Variants in KCNH8 observed in about 807,000 individuals in gnomAD.
KCNH8 encodes the protein potassium voltage-gated channel subfamily H member 8, also known as voltage-gated delayed rectifier potassium channel KCNH8.
A neutral mutation model predicts 103.6 loss-of-function variants in KCNH8; 70 were observed. The ratio of observed to expected loss-of-function variants is 0.68; its 90% CI spans 0.56 to 0.82. The LOEUF (loss-of-function observed/expected upper bound fraction) is 0.82. KCNH8 is among the 40% of genes least tolerant of loss of function. KCNH8 has a pLI of 0.00. For synonymous variants in KCNH8, 498 were observed against 489.4 expected (o/e 1.02, Z -0.23); for missense variants, 1,217 against 1,329.9 (o/e 0.92, Z 1.32).
At chr3:19,384,994 G>A (rs2066337302) in intron 5 of KCNH8, among the ~76,000 whole-genome samples, 1 of 152,084 alleles carries the variant, frequency 6.6e-6, no homozygotes, top group Admixed American at 6.5e-5. Context: ...CCAAACTAGA[G>A]AGTATCATCG....
intron 11 of KCNH8, among the ~76,000 whole-genome samples, chr3:19,473,319 C>A (rs62276980): frequency 6.6e-6 from 1 of 152,144 alleles, no homozygotes; most frequent in Non-Finnish European, 1.5e-5. Context: ...CCGACTGGAA[C>A]TAAACATTTT....
At chr3:19,511,217 C>A (rs949761043) in intron 12 of KCNH8, among the ~76,000 whole-genome samples, 1 of 148,482 alleles carries the variant, frequency 6.7e-6, no homozygotes, top group Non-Finnish European at 1.5e-5. Flanking sequence ...TTGTTCAACT[C>A]GCATGTATGA....
chr3:19,370,071 G>A (rs1262911051), intron 5 of KCNH8, among the ~76,000 whole-genome samples: 1 of 152,010 alleles, frequency 6.6e-6, no homozygotes, highest in Non-Finnish European at 1.5e-5. Flanking sequence ...CAGACTTGCT[G>A]CCTCCACCTT....
chr3:19,426,398 C>T (rs1209876599), intron 7 of KCNH8, among the ~76,000 whole-genome samples: 1 of 151,724 alleles, frequency 6.6e-6, no homozygotes, highest in African/African-American at 2.4e-5. Flanking sequence ...ATTAGTAGGT[C>T]AAGACTTAGG....
intron 7 of KCNH8, among the ~76,000 whole-genome samples, chr3:19,428,901 T>C (rs2125163790): frequency 6.6e-6 from 1 of 152,288 alleles, no homozygotes; most frequent in Middle Eastern, 3.4e-3. Context: ...TTTCGCTGTG[T>C]TTCTTGTTCT....
At chr3:19,476,332 T>A (rs964542585) in intron 11 of KCNH8, among the ~76,000 whole-genome samples, 2 of 152,208 alleles carry the variant, frequency 1.3e-5, no homozygotes, top group Admixed American at 1.3e-4. Flanking sequence ...GGCAGCAAAT[T>A]AGGCATTTCG....
In KCNH8 at chr3:19,293,435, G is replaced by A. The variant is rs80208448; in HGVS notation, c.442+12106G>A. Among the ~76,000 whole-genome samples the A allele has an allele frequency of 2.8e-3, 420 of 152,228 alleles. 3 individuals carry two copies. The highest frequency in any genetic ancestry group is 9.4e-3 in the African/African-American group (390 of 41,534). On this transcript the variant is annotated intron_variant, in intron 3 of 15. Transcript: ENST00000328405. ...TTAAAATCCTTACTATTCAAAGTGTGGTCTGAGGGACTGACACTTCAGCAT... is the reference window on the plus strand; with the variant it reads ...TTAAAATCCTTACTATTCAAAGTGTAGTCTGAGGGACTGACACTTCAGCAT...
At chr3:19,477,890 A>ACTC (rs2068009246) in intron 11 of KCNH8, among the ~76,000 whole-genome samples, 1 of 152,128 alleles carries the variant, frequency 6.6e-6, no homozygotes, top group South Asian at 2.1e-4. Context: ...TGAACATTGT[A>ACTC]CTCAATAAGT....
At chr3:19,451,616 C>T (rs1204626848) in intron 10 of KCNH8, among the ~76,000 whole-genome samples, 2 of 152,098 alleles carry the variant, frequency 1.3e-5, no homozygotes, top group Non-Finnish European at 2.9e-5. Flanking sequence ...TAAATATTAT[C>T]TCCATTTTAG....
At chr3:19,255,017 G>C (rs1041032924) in intron 2 of KCNH8, among the ~76,000 whole-genome samples, 1 of 152,138 alleles carries the variant, frequency 6.6e-6, no homozygotes, top group African/African-American at 2.4e-5. Context: ...TTTGGAGATA[G>C]GGCCTTTGAA....
chr3:19,492,528 C>A (rs1050401616), intron 11 of KCNH8, among the ~76,000 whole-genome samples: 6 of 152,072 alleles, frequency 3.9e-5, no homozygotes, highest in Non-Finnish European at 7.4e-5. Flanking sequence ...TTCCATTGGT[C>A]TGTGTGTCTG....
intron 11 of KCNH8, among the ~76,000 whole-genome samples, chr3:19,510,148 T>A (rs1322383248): frequency 6.6e-6 from 1 of 152,152 alleles, no homozygotes; most frequent in Non-Finnish European, 1.5e-5. Context: ...TGATCAGTAG[T>A]GGTCCTAGAG....
At chr3:19,275,648 T>C (rs1385230996) in intron 2 of KCNH8, among the ~76,000 whole-genome samples, 1 of 152,162 alleles carries the variant, frequency 6.6e-6, no homozygotes, top group East Asian at 1.9e-4. Flanking sequence ...CTTAGTATAG[T>C]ACAAACATCA....
intron 1 of KCNH8, among the ~76,000 whole-genome samples, chr3:19,253,011 G>A (rs563073245): frequency 1.9e-4 from 29 of 152,212 alleles, no homozygotes; most frequent in East Asian, 3.9e-4. Flanking sequence ...AACCAATTAT[G>A]TGTGGACATT....
chr3:19,530,854 TGTCA>T (rs2069147822), intron 15 of KCNH8, among the ~76,000 whole-genome samples: 1 of 152,230 alleles, frequency 6.6e-6, no homozygotes. Context: ...GACTGAAGAC[TGTCA>T]TTCATGAAAT....
At chr3:19,248,302 C>T (rs952765682) in intron 1 of KCNH8, among the ~76,000 whole-genome samples, 17 of 152,118 alleles carry the variant, frequency 1.1e-4, no homozygotes, top group South Asian at 2.1e-4. Flanking sequence ...TGAGTAGAAA[C>T]GACATTTCTG....
At chr3:19,434,169 AAC>A (rs2067162772) in intron 7 of KCNH8, among the ~76,000 whole-genome samples, 1 of 152,128 alleles carries the variant, frequency 6.6e-6, no homozygotes, top group African/African-American at 2.4e-5. Flanking sequence ...CAACAACAAA[AAC>A]ACCCCAAAAA....
chr3:19,318,454 TCTATTGTATCATTCTTATG>T (rs2065303728), intron 3 of KCNH8, among the ~76,000 whole-genome samples: 1 of 151,684 alleles, frequency 6.6e-6, no homozygotes, highest in Non-Finnish European at 1.5e-5. Flanking sequence ...GTCCCCAAAG[TCTATTGTATCATTCTTATG>T]CCTTTGCATC....
intron 11 of KCNH8, among the ~76,000 whole-genome samples, chr3:19,507,603 C>G (rs908646893): frequency 3.9e-5 from 6 of 152,154 alleles, no homozygotes; most frequent in Admixed American, 3.9e-4. Flanking sequence ...CAGAGAACTG[C>G]AGAGCCACCT....
Sources: gnomAD v4.1 joint callset for allele counts (sites outside exome capture counted in the v4.1 genomes callset) on GRCh38, gnomAD v4.1.1 for gene constraint, MANE v1.5 for transcripts, NCBI Gene and HGNC (gene_info 2026-07-23, HGNC 2026-07-21) for gene names.